Variants in SBF2 observed in about 807,000 individuals in gnomAD.
The protein encoded by SBF2 is myotubularin-related protein 13.
SBF2 carries 112 observed loss-of-function variants against 225.2 expected under a neutral mutation model. That is an observed-to-expected ratio of 0.50 (90% confidence interval 0.43 to 0.58). The LOEUF is 0.58. Ranked by LOEUF, SBF2 falls within the 20% of genes least tolerant of loss-of-function variation. The pLI, the probability that SBF2 is intolerant of heterozygous loss-of-function variation, is 0.00. For missense variants in SBF2, 1,996 were observed against 2,206.2 expected (o/e 0.90, Z 1.91); for synonymous variants, 763 against 773.3 (o/e 0.99, Z 0.22).
At position 9,842,700 on chromosome 11, in the gene SBF2, G is replaced by C; in HGVS notation, c.3181C>G (p.Leu1061Val). Residue 1061 changes from leucine (L) to valine (V), a missense_variant, in exon 25 of 40, where the codon CTG (leucine) becomes GTG (valine). Transcript: ENST00000256190. ...GKMTIGRQYL[L>V]KKKTGTIVEE... ...ACAATTGTCCCTGTCTTCTTCTTCA[G>C]TAAATATTGCCGCCCAATTGTCATT... 2 of 1,613,992 alleles carry C rather than the reference G, an allele frequency of 1.2e-6. No homozygotes were observed. Among genetic ancestry groups the C allele is most frequent in the Non-Finnish European group, 1.7e-6 (2 of 1,179,932 alleles).
chr11:9,914,798 C>T (rs1862934378), intron 16 of SBF2, among the ~76,000 whole-genome samples: 1 of 151,548 alleles, frequency 6.6e-6, no homozygotes, highest in Non-Finnish European at 1.5e-5. Context: ...ATCTGTACAA[C>T]ACCAAGAATG....
At chr11:9,859,394 G>T (rs1321219938) in intron 17 of SBF2, among the ~76,000 whole-genome samples, 3 of 152,140 alleles carry the variant, frequency 2.0e-5, no homozygotes, top group Non-Finnish European at 4.4e-5. Context: ...CCAAATTTCA[G>T]TTAGTGACTT....
chr11:9,829,951 C>T (rs1448070436), intron 27 of SBF2, among the ~76,000 whole-genome samples: 1 of 152,246 alleles, frequency 6.6e-6, no homozygotes, highest in African/African-American at 2.4e-5. Context: ...TAAGAACTTT[C>T]CAATACCAGC....
intron 16 of SBF2, among the ~76,000 whole-genome samples, chr11:9,898,125 A>AATCTATT (rs1232741355): frequency 6.6e-6 from 1 of 150,962 alleles, no homozygotes; most frequent in African/African-American, 2.4e-5. Context: ...AGGCAAAGAT[A>AATCTATT]ATCTTTGCCT....
At chr11:10,041,053 G>C (rs186830005) in intron 3 of SBF2, among the ~76,000 whole-genome samples, 1 of 152,094 alleles carries the variant, frequency 6.6e-6, no homozygotes, top group African/African-American at 2.4e-5. Flanking sequence ...ATAGTGAAGA[G>C]GGAGAATCTA....
At chr11:9,857,363 T>C (rs1284884224) in intron 18 of SBF2, among the ~76,000 whole-genome samples, 3 of 152,198 alleles carry the variant, frequency 2.0e-5, no homozygotes, top group East Asian at 3.9e-4. Context: ...GTGACATGTG[T>C]TTGCTCTATG....
At chr11:9,963,716 C>T (rs980489844) in intron 15 of SBF2, 57 bp downstream of exon 15, 27 of 844,004 alleles carry the variant, frequency 3.2e-5, no homozygotes, top group African/African-American at 6.7e-5. Context: ...AACCTCAGCA[C>T]GTAAATCTGA....
At chr11:9,929,368 A>G (rs1431676550) in intron 16 of SBF2, 2 of 179,082 alleles carry the variant, frequency 1.1e-5, no homozygotes, top group Non-Finnish European at 2.4e-5. Context: ...GTGCCACAAA[A>G]AGTGGATTTT....
At chr11:10,054,151 C>T (rs981309334) in intron 2 of SBF2, among the ~76,000 whole-genome samples, 4 of 152,142 alleles carry the variant, frequency 2.6e-5, no homozygotes, top group African/African-American at 4.8e-5. Context: ...ACCTATATTG[C>T]TTTTGGTAAA....
chr11:10,063,019 G>T (rs1950502458), intron 2 of SBF2, among the ~76,000 whole-genome samples: 1 of 152,092 alleles, frequency 6.6e-6, no homozygotes, highest in African/African-American at 2.4e-5. Flanking sequence ...AAAAAAGAAA[G>T]AGATCATGTC....
At chr11:10,057,386 A>G (rs1267160638) in intron 2 of SBF2, among the ~76,000 whole-genome samples, 1 of 152,132 alleles carries the variant, frequency 6.6e-6, no homozygotes, top group Admixed American at 6.5e-5. Context: ...CAAAGACCCT[A>G]AGTACCTTAT....
intron 16 of SBF2, among the ~76,000 whole-genome samples, chr11:9,938,805 A>G (rs1865065396): frequency 6.6e-6 from 1 of 152,110 alleles, no homozygotes; most frequent in Admixed American, 6.5e-5. Context: ...TGATGAAGAA[A>G]ATGTTCTAAA....
intron 2 of SBF2, among the ~76,000 whole-genome samples, chr11:10,129,330 C>T (rs1264174578): frequency 7.9e-6 from 1 of 127,348 alleles, no homozygotes; most frequent in African/African-American, 2.8e-5. Flanking sequence ...TCTCGAACTC[C>T]TGACCTCAAG....
At chr11:10,081,832 C>T (rs1355898924) in intron 2 of SBF2, among the ~76,000 whole-genome samples, 5 of 150,300 alleles carry the variant, frequency 3.3e-5, no homozygotes, top group Non-Finnish European at 5.9e-5. Flanking sequence ...ACTAGAAAAC[C>T]AAGAACAAAC....
chr11:10,225,507 T>C (rs906717645), intron 1 of SBF2, among the ~76,000 whole-genome samples: 4 of 152,052 alleles, frequency 2.6e-5, no homozygotes, highest in Non-Finnish European at 5.9e-5. Flanking sequence ...AGACTAGTCA[T>C]AGAGGTTGTA....
chr11:9,912,325 G>A (rs1862701205), intron 16 of SBF2, among the ~76,000 whole-genome samples: 1 of 148,748 alleles, frequency 6.7e-6, no homozygotes, highest in Non-Finnish European at 1.5e-5. Flanking sequence ...GGTGGCTCAC[G>A]CCTGTAATTC....
intron 3 of SBF2, among the ~76,000 whole-genome samples, chr11:10,035,762 C>T (rs1949410284): frequency 6.6e-6 from 1 of 152,084 alleles, no homozygotes; most frequent in African/African-American, 2.4e-5. Flanking sequence ...AGTCAGGAAA[C>T]AACAGATGCT....
At chr11:10,200,523 A>G (rs1180867663) in intron 1 of SBF2, among the ~76,000 whole-genome samples, 1 of 152,166 alleles carries the variant, frequency 6.6e-6, no homozygotes, top group Non-Finnish European at 1.5e-5. Flanking sequence ...TTTGAATGAA[A>G]CATGTAAATC....
intron 16 of SBF2, among the ~76,000 whole-genome samples, chr11:9,942,456 T>A (rs940939900): frequency 1.3e-5 from 2 of 152,218 alleles, no homozygotes; most frequent in Admixed American, 1.3e-4. Flanking sequence ...ATCTATGGAT[T>A]CAATGTAATC....
Sources: allele counts gnomAD v4.1 joint callset (sites outside exome capture counted in the v4.1 genomes callset), GRCh38; gene constraint gnomAD v4.1.1; transcripts MANE v1.5; gene names NCBI Gene and HGNC (gene_info 2026-07-23, HGNC 2026-07-21).